GCM1: variants seen among roughly 807,000 people sequenced by gnomAD.
The protein encoded by GCM1 is GCM transcription factor 1.
Under a neutral mutation model 25.7 loss-of-function variants are expected in GCM1, and 2 were observed. The observed-to-expected ratio is 0.08, with a 90% CI of 0.03 to 0.24. GCM1 has a LOEUF of 0.24. Ranked by LOEUF, GCM1 falls within the 10% of genes least tolerant of loss-of-function variation. The pLI, the probability that GCM1 is intolerant of heterozygous loss-of-function variation, is 1.00. For missense variants in GCM1, 395 were observed against 538.7 expected, an observed-to-expected ratio of 0.73 and a Z score of 2.64; for synonymous variants, 183 against 195.7, an observed-to-expected ratio of 0.94 and a Z score of 0.54.
At chr6:53,131,780 A>G (rs1291409930) in intron 4 of GCM1, among the ~76,000 whole-genome samples, 1 of 152,140 alleles carries the variant, frequency 6.6e-6, no homozygotes, top group African/African-American at 2.4e-5. Context: ...CAGTGTGACT[A>G]GATTAGCTGC....
At chr6:53,133,331 A>ATGTGTGTGTG (rs5876306) in intron 3 of GCM1, among the ~76,000 whole-genome samples, 9 of 145,202 alleles carry the variant, frequency 6.2e-5, no homozygotes, top group Middle Eastern at 3.4e-3. Flanking sequence ...CACCCGGCAA[A>ATGTGTGTGTG]TGTGTGTGTG....
At chr6:53,135,358 C>T (rs1763783821) in intron 2 of GCM1, among the ~76,000 whole-genome samples, 1 of 152,190 alleles carries the variant, frequency 6.6e-6, no homozygotes, top group Non-Finnish European at 1.5e-5. Context: ...TTATAGCATA[C>T]ATTATTTTGC....
At position 53,147,724 on chromosome 6, in the gene GCM1, C is replaced by T. The variant is rs372179231; in HGVS notation, c.-137+1030G>A. Among the ~76,000 whole-genome samples, 65 of 152,118 alleles carry T rather than the reference C, an allele frequency of 4.3e-4. 1 individual carries two copies. Among genetic ancestry groups the T allele is most frequent in the African/African-American group, 1.4e-3 (59 of 41,520 alleles). ...GATTACAGGCATGAGCCACTGTGCCCGGCCTGTTCTTTAGTTATTTAGTGT... is the reference window on the plus strand; with the variant it reads ...GATTACAGGCATGAGCCACTGTGCCTGGCCTGTTCTTTAGTTATTTAGTGT... On this transcript the variant is annotated intron_variant, in intron 1 of 5. Coordinates refer to ENST00000259803, the MANE Select transcript of GCM1 (RefSeq NM_003643.4).
At chr6:53,133,539 T>C (rs1763755884) in intron 3 of GCM1, among the ~76,000 whole-genome samples, 1 of 152,116 alleles carries the variant, frequency 6.6e-6, no homozygotes, top group Non-Finnish European at 1.5e-5. Flanking sequence ...TTGTGCGGCC[T>C]GGAGTGCAGT....
chr6:53,146,472 G>A (rs900479086), intron 1 of GCM1, among the ~76,000 whole-genome samples: 10 of 151,666 alleles, frequency 6.6e-5, no homozygotes, highest in Non-Finnish European at 4.4e-5. Flanking sequence ...TACCCGCCTC[G>A]GACTCCCAAA....
At position 53,128,739 on chromosome 6, in the gene GCM1, T is replaced by C. The variant is rs1215345610; in HGVS notation, c.778A>G (p.Met260Val). Residue 260 changes from methionine (M) to valine (V), a missense_variant, in exon 6 of 6, where the codon ATG becomes GTG. Physicochemically the swap from Met to Val is conservative, Grantham distance 21. Coordinates refer to ENST00000259803, the MANE Select transcript of GCM1 (RefSeq NM_003643.4). ...LTDQTSTVDP[M>V]KLYEKRKLSS... is the part of the protein sequence containing the mutation. ...AATTTGCGCTTTTCATAGAGCTTCA[T>C]GGGGTCCACAGTGGAAGTCTGGTCA... 1.9e-6 allele frequency: 3 copies of C among 1,613,880 alleles called. No homozygotes were observed. The highest frequency in any genetic ancestry group is 2.5e-6 in the Non-Finnish European group (3 of 1,179,862).
intron 2 of GCM1, among the ~76,000 whole-genome samples, chr6:53,144,054 A>G (rs1354240882): frequency 6.6e-6 from 1 of 152,142 alleles, no homozygotes; most frequent in Non-Finnish European, 1.5e-5. Flanking sequence ...CCTTCTAGTC[A>G]CCTTTTCAAA....
rs1012081640 is a variant in GCM1, at chr6:53,128,671, A to C, written c.846T>G (p.Pro282=). The C allele has an allele frequency of 2.2e-5, 36 of 1,613,990 alleles. No homozygotes were observed. Among genetic ancestry groups the C allele is most frequent in the Non-Finnish European group, 3.1e-5 (36 of 1,179,934 alleles). ...GATCAGAGTAGACTCCGGAGGCAGA[A>C]GGAGGAAGCAGGTCTCCACTACTGT... ...RTYSSGDLLP[P]SASGVYSDHG... Residue 282 remains proline, a synonymous_variant, in exon 6 of 6, where the codon CCT becomes CCG. Transcript: ENST00000259803.
chr6:53,132,811 A>G (rs77966138), intron 3 of GCM1, among the ~76,000 whole-genome samples: 171 of 152,322 alleles, frequency 1.1e-3, no homozygotes, highest in Non-Finnish European at 2.2e-3. Flanking sequence ...ATTTTCACAG[A>G]GGTGTAAATG....
chr6:53,139,390 G>C (rs1236698283), intron 2 of GCM1, among the ~76,000 whole-genome samples: 1 of 151,292 alleles, frequency 6.6e-6, no homozygotes, highest in Admixed American at 6.6e-5. Context: ...GGGCAGGCAT[G>C]GTGGGGAATG....
chr6:53,139,216 A>G (rs955363220), intron 2 of GCM1, among the ~76,000 whole-genome samples: 4 of 152,290 alleles, frequency 2.6e-5, no homozygotes, highest in Admixed American at 2.6e-4. Flanking sequence ...ATCAGATATT[A>G]TGGAAAACAG....
At chr6:53,144,262 C>A (rs1031192757) in intron 2 of GCM1, among the ~76,000 whole-genome samples, 1 of 149,392 alleles carries the variant, frequency 6.7e-6, no homozygotes, top group Non-Finnish European at 1.5e-5. Context: ...CTCTCAAAAA[C>A]ATTTTTTTTT....
In GCM1 at chr6:53,128,795, C is replaced by G; in HGVS notation, c.722G>C (p.Ser241Thr). The G allele has an allele frequency of 6.2e-7, 1 of 1,613,266 alleles. No individual in the cohort carries two copies. Among genetic ancestry groups the G allele is most frequent in the Non-Finnish European group, 8.5e-7 (1 of 1,179,232 alleles). ...ATCTGTGATTCCTCCCAGACCATAA[C>G]TCTTGGAGAAGGAAAAGCAATCATT... ...SLNDCFSFSKSYGLGGITDLT... is the reference protein window; with the variant it reads ...SLNDCFSFSKTYGLGGITDLT... The change falls in exon 6 of 6, where the codon AGT becomes ACT. Residue 241 changes from serine (S) to threonine (T), a missense_variant. By Grantham distance (58) the Ser-to-Thr change is moderately conservative. Around this residue, in one of 5 missense-constraint regions of GCM1, gnomAD observed 291 missense variants for 314.6 expected, o/e 0.92. Coordinates refer to ENST00000259803, the MANE Select transcript of GCM1 (RefSeq NM_003643.4).
intron 5 of GCM1, among the ~76,000 whole-genome samples, chr6:53,129,794 G>T (rs538564242): frequency 1.3e-5 from 2 of 152,094 alleles, no homozygotes; most frequent in South Asian, 2.1e-4. Context: ...CTTTGAATTC[G>T]TGGGAATTTT....
At chr6:53,132,224 A>G in intron 3 of GCM1, 105 bp from the exon 4 acceptor site, 1 of 746,662 alleles carries the variant, frequency 1.3e-6, no homozygotes, top group Non-Finnish European at 2.4e-6. Flanking sequence ...ACGGCAGAGT[A>G]TAAATCTGGG....
At position 53,128,734 on chromosome 6, in the gene GCM1, C is replaced by T; in HGVS notation, c.783G>A (p.Lys261=). The change falls in exon 6 of 6, where the codon AAG becomes AAA. Residue 261 remains lysine (K), a synonymous_variant. Coordinates refer to ENST00000259803, the MANE Select transcript of GCM1 (RefSeq NM_003643.4). ...TDQTSTVDPM[K]LYEKRKLSSS... ...TGGACAATTTGCGCTTTTCATAGAGCTTCATGGGGTCCACAGTGGAAGTCT... is the reference window on the plus strand; with the variant it reads ...TGGACAATTTGCGCTTTTCATAGAGTTTCATGGGGTCCACAGTGGAAGTCT... The T allele has an allele frequency of 6.2e-7, 1 of 1,613,956 alleles. No individual in the cohort carries two copies. The highest frequency in any genetic ancestry group is 1.1e-5 in the South Asian group (1 of 91,074).
chr6:53,144,331 A>G (rs1763922777), intron 2 of GCM1, among the ~76,000 whole-genome samples: 1 of 151,602 alleles, frequency 6.6e-6, no homozygotes, highest in Non-Finnish European at 1.5e-5. Flanking sequence ...AGGCTGAGGC[A>G]GGAGGATCAC....
intron 3 of GCM1, among the ~76,000 whole-genome samples, chr6:53,132,553 A>G (rs556402609): frequency 6.6e-6 from 1 of 152,240 alleles, no homozygotes; most frequent in South Asian, 2.1e-4. Flanking sequence ...CTCTACTAAA[A>G]ATACAAAAAT....
intron 2 of GCM1, 36 bp from the exon 3 acceptor site, chr6:53,134,360 G>A (rs760254132): frequency 6.3e-7 from 1 of 1,596,682 alleles, no homozygotes; most frequent in Non-Finnish European, 8.6e-7. Flanking sequence ...TATACTTTAA[G>A]CTAGAAAACA....
Sources: allele counts gnomAD v4.1 joint callset (sites outside exome capture counted in the v4.1 genomes callset), GRCh38; gene constraint gnomAD v4.1.1; regional missense constraint gnomAD v4.1.1; transcripts MANE v1.5; gene names NCBI Gene and HGNC (gene_info 2026-07-23, HGNC 2026-07-21).